Variants in COL6A3 observed in about 807,000 individuals in gnomAD.
COL6A3 encodes the protein collagen type VI alpha 3 chain.
A neutral mutation model predicts 274.1 loss-of-function variants in COL6A3; 137 were observed. That is an observed-to-expected ratio of 0.50 (90% CI 0.44 to 0.58). The LOEUF (loss-of-function observed/expected upper bound fraction) is 0.58. Ranked by LOEUF, COL6A3 falls within the 20% of genes least tolerant of loss-of-function variation. The pLI is 0.00. For synonymous variants in COL6A3, 1,650 were observed against 1,650.6 expected, an observed-to-expected ratio of 1.00 and a Z score of 0.01; for missense variants, 3,950 against 4,124.9, an observed-to-expected ratio of 0.96 and a Z score of 1.16.
Position 237,395,085 on chromosome 2 carries a change from C to T in COL6A3, c.211G>A (p.Val71Met), listed in dbSNP as rs1202531106. The change falls in exon 3 of 44, where the codon GTG becomes ATG. Residue 71 changes from valine (V) to methionine (M), a missense_variant. Around this residue, in one of 5 missense-constraint regions of COL6A3, gnomAD observed 1,934 missense variants for 1,984.3 expected, o/e 0.97. Transcript: ENST00000295550. Reference sequence around the variant, plus strand: ...GCAAAATGGAAATCATTTTCTCCCACAGCTAAGGATTTTACAACATCATAT... The same window carrying T: ...GCAAAATGGAAATCATTTTCTCCCATAGCTAAGGATTTTACAACATCATAT... ...FLYDVVKSLAVGENDFHFALV... is the reference protein window; with the variant it reads ...FLYDVVKSLAMGENDFHFALV... 1 of 1,614,138 alleles carries T rather than the reference C, an allele frequency of 6.2e-7. No homozygotes were observed. Among genetic ancestry groups the T allele is most frequent in the Admixed American group, 1.7e-5 (1 of 60,024 alleles).
At chr2:237,367,479 G>C (rs2077581237) in intron 10 of COL6A3, among the ~76,000 whole-genome samples, 193 bp from the exon 11 acceptor site, 1 of 152,148 alleles carries the variant, frequency 6.6e-6, no homozygotes, top group Non-Finnish European at 1.5e-5. Context: ...CTAAATACAA[G>C]AAGATGAATG....
intron 42 of COL6A3, among the ~76,000 whole-genome samples, chr2:237,330,933 A>C (rs139861183): frequency 2.6e-5 from 4 of 152,352 alleles, no homozygotes; most frequent in African/African-American, 9.6e-5. Context: ...GGTTCCCAGA[A>C]TCTAACATGA....
chr2:237,374,253 G>A lies in COL6A3; in HGVS notation c.3679+159C>T, dbSNP rs2077770976. Among the ~76,000 whole-genome samples the A allele has an allele frequency of 6.6e-6, 1 of 152,128 alleles. No homozygotes were observed. The highest frequency in any genetic ancestry group is 2.4e-5 in the African/African-American group (1 of 41,434). On this transcript the variant is annotated intron_variant, in intron 8 of 43. Transcript: ENST00000295550. The surrounding 1 kb of genome is among the most constrained non-coding windows in gnomAD (Gnocchi z 4.8). ...AACCTCTGCCATTTCTGCCCATCGAGGCCAAAAAGGGCATGTGGGTTCCTA... is the reference window on the plus strand; with the variant it reads ...AACCTCTGCCATTTCTGCCCATCGAAGCCAAAAAGGGCATGTGGGTTCCTA...
At chr2:237,339,355 T>A (rs1446775284) in intron 38 of COL6A3, among the ~76,000 whole-genome samples, 1 of 152,238 alleles carries the variant, frequency 6.6e-6, no homozygotes, top group Non-Finnish European at 1.5e-5. Flanking sequence ...GTGATTAAGT[T>A]AAAGATATAT....
At chr2:237,335,268 T>A (rs1422289311) in intron 40 of COL6A3, among the ~76,000 whole-genome samples, 2 of 152,236 alleles carry the variant, frequency 1.3e-5, no homozygotes, top group African/African-American at 4.8e-5. Flanking sequence ...GAAATTCTTT[T>A]AAAGGAATTC....
intron 27 of COL6A3, 122 bp downstream of exon 27, chr2:237,351,008 G>A: frequency 1.1e-6 from 1 of 900,968 alleles, no homozygotes; most frequent in Non-Finnish European, 1.9e-6. Flanking sequence ...AACAGGGGAG[G>A]CTGGAGTGGG....
At position 237,358,568 on chromosome 2, in the gene COL6A3, G is replaced by T. The variant is rs530866854; in HGVS notation, c.6424C>A (p.Arg2142=). 3.7e-6 allele frequency: 6 copies of T among 1,613,498 alleles called. No individual in the cohort carries two copies. The highest frequency in any genetic ancestry group is 3.4e-6 in the Non-Finnish European group (4 of 1,179,866). The part of the protein sequence containing the change: ...NPGRRGDKGP[R]GEKGERGDVG... ...TCTCCTCTTTCTCCTTTCTCTCCTC[G>T]AGGTCCTTTATCACCCTAAAGAAAA... Residue 2142 remains arginine (R), a synonymous_variant, in exon 21 of 44, where the codon CGA becomes AGA. Coordinates refer to ENST00000295550, the MANE Select transcript of COL6A3 (RefSeq NM_004369.4).
chr2:237,362,435 G>A (rs2077458052), intron 14 of COL6A3, among the ~76,000 whole-genome samples: 1 of 152,212 alleles, frequency 6.6e-6, no homozygotes, highest in Non-Finnish European at 1.5e-5. Context: ...ATGTGGGAAA[G>A]GGCATGCCCA....
At chr2:237,406,998 T>A (rs2078737080) in intron 1 of COL6A3, among the ~76,000 whole-genome samples, 1 of 148,700 alleles carries the variant, frequency 6.7e-6, no homozygotes, top group East Asian at 2.0e-4. Flanking sequence ...CAGCTTCAAC[T>A]TCCTGAGATC....
chr2:237,406,907 CTTTTTT>C (rs1006109385), intron 1 of COL6A3, among the ~76,000 whole-genome samples: 1 of 123,520 alleles, frequency 8.1e-6, no homozygotes, highest in South Asian at 2.6e-4. Flanking sequence ...TCTTTTTTCC[CTTTTTT>C]TTTTTTTTTT....
Position 237,342,112 on chromosome 2 carries a change from T to C in COL6A3, c.7718A>G (p.Asp2573Gly). 6.2e-7 allele frequency: 1 copy of C among 1,614,132 alleles called. No individual in the cohort carries two copies. The highest frequency in any genetic ancestry group is 2.2e-5 in the East Asian group (1 of 44,890). Residue 2573 changes from aspartate (D) to glycine (G), a missense_variant, in exon 37 of 44, where the codon GAC becomes GGC. This residue lies in a region of COL6A3 where 1,284 missense variants were observed against 1,349.7 expected (regional missense o/e 0.95). Transcript: ENST00000295550. ...GACATTCTCCAGGAAGTCTGTGAGG[T>C]CTCTCCCTGCAGGCAGGACAAGCGC... is the stretch of plus-strand genomic sequence containing the variant. ...GHALVLPAGR[D>G]LTDFLENVLT... is the part of the protein sequence containing the mutation.
At position 237,368,922 on chromosome 2, in the gene COL6A3, A is replaced by T. The variant is rs764284912; in HGVS notation, c.4541T>A (p.Leu1514Gln). 1.2e-6 allele frequency: 2 copies of T among 1,614,202 alleles called. No homozygotes were observed. Among genetic ancestry groups the T allele is most frequent in the Non-Finnish European group, 8.5e-7 (1 of 1,180,032 alleles). ...AAATTCGAGAGCCTTGCCAGTGTTC[A>T]GTGGGGACCCCCCTCTGAGCCTCAG... ...RRLRLRGGSP[L>Q]NTGKALEFVA... is the part of the protein sequence containing the mutation. The change falls in exon 10 of 44, where the codon CTG (leucine) becomes CAG (glutamine). Residue 1514 changes from leucine (L) to glutamine (Q), a missense_variant. Physicochemically the swap from Leu to Gln is moderately radical, Grantham distance 113. This residue lies in a region of COL6A3 where 1,934 missense variants were observed against 1,984.3 expected (regional missense o/e 0.97). Coordinates refer to ENST00000295550, the MANE Select transcript of COL6A3 (RefSeq NM_004369.4). The surrounding 1 kb of genome is among the most constrained non-coding windows in gnomAD (Gnocchi z 4.4).
chr2:237,351,249 G>C (rs534972993), intron 26 of COL6A3, 57 bp from the exon 27 acceptor site: 1 of 1,560,974 alleles, frequency 6.4e-7, no homozygotes, highest in African/African-American at 1.4e-5. Flanking sequence ...AGGCAAATTG[G>C]TCTCTGAAAC....
chr2:237,355,213 C>T, intron 23 of COL6A3: 1 of 451,710 alleles, frequency 2.2e-6, no homozygotes, highest in East Asian at 3.4e-5. Flanking sequence ...TGCAGACCTG[C>T]CAAGCAAAAT....
chr2:237,406,055 C>A (rs1296464010), intron 1 of COL6A3, among the ~76,000 whole-genome samples: 1 of 152,052 alleles, frequency 6.6e-6, no homozygotes, highest in Non-Finnish European at 1.5e-5. Flanking sequence ...GTTTACTCTG[C>A]CTCATTCTAA....
At position 237,344,604 on chromosome 2, in the gene COL6A3, T is replaced by C. The variant is rs1360060405; in HGVS notation, c.7414A>G (p.Lys2472Glu). The C allele has an allele frequency of 3.7e-6, 6 of 1,614,230 alleles. No individual in the cohort carries two copies. The highest frequency in any genetic ancestry group is 5.1e-6 in the Non-Finnish European group (6 of 1,180,054). ...DSKRKSVLLD[K>E]IKNLQVALTS... ...AGAGCCACCTGAAGGTTCTTAATCTTGTCCAGGAGGACCGACTTCCTCTTG... is the reference window on the plus strand; with the variant it reads ...AGAGCCACCTGAAGGTTCTTAATCTCGTCCAGGAGGACCGACTTCCTCTTG... The change falls in exon 36 of 44, where the codon AAG (lysine) becomes GAG (glutamate). Residue 2472 changes from lysine to glutamate, a missense_variant. Coordinates refer to ENST00000295550, the MANE Select transcript of COL6A3 (RefSeq NM_004369.4). This position sits in a 1 kb window ranked among gnomAD's most constrained non-coding sequence, Gnocchi z 4.8.
At chr2:237,338,513 A>G (rs1304057581) in intron 39 of COL6A3, among the ~76,000 whole-genome samples, 1 of 152,224 alleles carries the variant, frequency 6.6e-6, no homozygotes, top group Non-Finnish European at 1.5e-5. Context: ...TTATAATCCC[A>G]GCACTTTGGG....
Position 237,347,796 on chromosome 2 carries a change from C to T in COL6A3, c.7029+11G>A, listed in dbSNP as rs748191941. On this transcript the variant is annotated intron_variant, in intron 31 of 43. Transcript: ENST00000295550. ...ATTCCTCACCTGCAGCCAAGGCCCA[C>T]GCAAACTTACCCTTCGGCCTCTGAT... The T allele has an allele frequency of 1.4e-5, 23 of 1,607,946 alleles. No homozygotes were observed. Among genetic ancestry groups the T allele is most frequent in the South Asian group, 8.9e-5 (8 of 89,480 alleles).
intron 1 of COL6A3, among the ~76,000 whole-genome samples, chr2:237,403,813 C>T (rs2106400356): frequency 6.6e-6 from 1 of 151,684 alleles, no homozygotes; most frequent in Non-Finnish European, 1.5e-5. Flanking sequence ...CTTAGGTTGA[C>T]CCTACCCCCA....
Sources: allele counts gnomAD v4.1 joint callset (sites outside exome capture counted in the v4.1 genomes callset), GRCh38; gene constraint gnomAD v4.1.1; regional missense constraint gnomAD v4.1.1; non-coding constraint Gnocchi (gnomAD v3.1); transcripts MANE v1.5; gene names NCBI Gene and HGNC (gene_info 2026-07-23, HGNC 2026-07-21).